Variants in KNTC1 observed in about 807,000 individuals in gnomAD.
KNTC1 encodes kinetochore-associated protein 1.
KNTC1 carries 253 observed loss-of-function variants against 314.4 expected under a neutral mutation model. The ratio of observed to expected loss-of-function variants is 0.80; its 90% CI spans 0.73 to 0.89. The LOEUF (loss-of-function observed/expected upper bound fraction) is 0.89. Ranked by LOEUF, KNTC1 falls within the 40% of genes least tolerant of loss-of-function variation. The pLI is 0.00. For synonymous variants in KNTC1, 901 were observed against 901.4 expected, an observed-to-expected ratio of 1.00 and a Z score of 0.01; for missense variants, 2,475 against 2,572.9, an observed-to-expected ratio of 0.96 and a Z score of 0.82.
intron 24 of KNTC1, 53 bp from the exon 25 acceptor site, chr12:122,572,884 T>C: frequency 1.5e-6 from 2 of 1,313,352 alleles, no homozygotes; most frequent in Non-Finnish European, 2.1e-6. Flanking sequence ...GATTCTATTT[T>C]TCTCTCATAC....
intron 6 of KNTC1, among the ~76,000 whole-genome samples, chr12:122,542,474 G>A (rs940102839): frequency 6.0e-4 from 91 of 152,276 alleles, no homozygotes; most frequent in Admixed American, 2.0e-4. Context: ...AGTGTTAATA[G>A]TGCAGAACAG....
In KNTC1 at chr12:122,568,122, A is replaced by T. The variant is rs565231952; in HGVS notation, c.1605-139A>T. 8 of 586,472 alleles carry T rather than the reference A, an allele frequency of 1.4e-5. No homozygotes were observed. In the East Asian group the frequency reaches 2.4e-4, roughly 17 times the overall value. The allele number at this position is 586,472 out of a possible 1,614,324, so 36.3% of individuals were successfully genotyped here. On this transcript the variant is annotated intron_variant, in intron 20 of 63. Coordinates refer to ENST00000333479, the MANE Select transcript of KNTC1 (RefSeq NM_014708.6). The stretch of plus-strand genomic sequence containing the variant: ...GTACTTTGCATTGTGTGATCTTTGG[A>T]ACTGGGTTTTTTTTAGTTTTTTGTT...
In KNTC1 at chr12:122,620,516, G is replaced by T. The variant is rs769105761; in HGVS notation, c.6187G>T (p.Ala2063Ser). 2 of 1,613,164 alleles carry T rather than the reference G, an allele frequency of 1.2e-6. No individual in the cohort carries two copies. Among genetic ancestry groups the T allele is most frequent in the Admixed American group, 1.7e-5 (1 of 59,952 alleles). The change falls in exon 60 of 64, where the codon GCC becomes TCC. Residue 2063 changes from alanine to serine, a missense_variant. Ala to Ser is a moderately conservative substitution (Grantham distance 99, BLOSUM62 1). Coordinates refer to ENST00000333479, the MANE Select transcript of KNTC1 (RefSeq NM_014708.6). ...AGGTGATCTTGACCTGATCGGAGTCGCCAGGCAGTATATCCAGTTAGAACT... is the reference window on the plus strand; with the variant it reads ...AGGTGATCTTGACCTGATCGGAGTCTCCAGGCAGTATATCCAGTTAGAACT... ...VSGDLDLIGV[A>S]RQYIQLELPA...
chr12:122,592,968 G>C (rs1463054007), intron 42 of KNTC1: 2 of 150,664 alleles, frequency 1.3e-5, no homozygotes, highest in African/African-American at 2.5e-5. Flanking sequence ...GAGACCACGA[G>C]CCCACCGAGA....
chr12:122,584,462 T>G lies in KNTC1; in HGVS notation c.3436+12T>G. On this transcript the variant is annotated intron_variant, in intron 35 of 63. Transcript: ENST00000333479. ...CATTTGCAGTCCAGGTGACAATATT[T>G]ATAATATACGTAGTTTTATATTCTC... The G allele has an allele frequency of 6.3e-7, 1 of 1,585,214 alleles. No individual in the cohort carries two copies. Among genetic ancestry groups the G allele is most frequent in the Non-Finnish European group, 8.6e-7 (1 of 1,162,488 alleles).
At chr12:122,605,213 GTA>G (rs1872455979) in intron 50 of KNTC1, 91 bp from the exon 51 acceptor site, 2 of 988,464 alleles carry the variant, frequency 2.0e-6, no homozygotes, top group African/African-American at 1.8e-5. Context: ...ACTTATATGT[GTA>G]TGTATGTGCA....
chr12:122,551,766 A>T, intron 16 of KNTC1, 70 bp downstream of exon 16: 1 of 1,069,888 alleles, frequency 9.3e-7, no homozygotes. Context: ...GAGAGGACAG[A>T]CATGTAATAT....
At chr12:122,614,571 A>G (rs1450804367) in intron 55 of KNTC1, among the ~76,000 whole-genome samples, 1 of 152,166 alleles carries the variant, frequency 6.6e-6, no homozygotes, top group Non-Finnish European at 1.5e-5. Flanking sequence ...TCTTCGATAG[A>G]CATTCACAGA....
intron 62 of KNTC1, 72 bp downstream of exon 62, chr12:122,622,679 T>C: frequency 7.9e-7 from 1 of 1,265,778 alleles, no homozygotes; most frequent in South Asian, 1.6e-5. Context: ...CTGGGCACGA[T>C]GGCTCACGAC....
chr12:122,610,762 GTTGT>G, intron 52 of KNTC1, 56 bp from the exon 53 acceptor site: 2 of 1,072,116 alleles, frequency 1.9e-6, no homozygotes, highest in Non-Finnish European at 2.9e-6. Context: ...AGATAAGTCT[GTTGT>G]TTTGGTAATC....
chr12:122,539,651 T>C (rs1234028236), intron 4 of KNTC1, 25 bp from the exon 5 acceptor site: 5 of 1,438,558 alleles, frequency 3.5e-6, no homozygotes, highest in Non-Finnish European at 4.7e-6. Context: ...TTTAATTTTA[T>C]TATTTGAAAT....
chr12:122,553,542 TA>T lies in KNTC1; in HGVS notation c.1272+1856del, dbSNP rs899350970. ...GAGCCTCTCATCTCTAAATTAAAAT[TA>T]AAAAAAAAATGGATGTGAGGGGTCT... On this transcript the variant is annotated intron_variant, in intron 16 of 63. Transcript: ENST00000333479. 4.0e-3 allele frequency among the ~76,000 whole-genome samples: 592 copies of T among 148,882 alleles called. 6 individuals carry two copies. The highest frequency in any genetic ancestry group is 0.014 in the African/African-American group (560 of 40,622).
At chr12:122,605,242 T>C in intron 50 of KNTC1, 64 bp from the exon 51 acceptor site, 1 of 1,152,120 alleles carries the variant, frequency 8.7e-7, no homozygotes, top group Non-Finnish European at 1.3e-6. Context: ...CACATACACA[T>C]ATAAGTATTC....
chr12:122,548,503 C>T (rs1832054925), intron 12 of KNTC1, among the ~76,000 whole-genome samples: 2 of 152,070 alleles, frequency 1.3e-5, no homozygotes, highest in African/African-American at 2.4e-5. Context: ...AGCCACTGCG[C>T]CCGGCCCAGG....
At chr12:122,601,415 A>T in intron 44 of KNTC1, 121 bp from the exon 45 acceptor site, 1 of 911,262 alleles carries the variant, frequency 1.1e-6, no homozygotes. Flanking sequence ...GGAGTAATTA[A>T]TTTAACAATG....
In KNTC1 at chr12:122,578,888, G is replaced by A. The variant is rs572140253; in HGVS notation, c.2842-1017G>A. 1.4e-4 allele frequency among the ~76,000 whole-genome samples: 22 copies of A among 152,244 alleles called. No homozygotes were observed. The South Asian group carries it at 4.4e-3, about 30-fold the overall frequency. On this transcript the variant is annotated intron_variant, in intron 31 of 63. Coordinates refer to ENST00000333479, the MANE Select transcript of KNTC1 (RefSeq NM_014708.6). The stretch of plus-strand genomic sequence containing the variant: ...TAGCTACTTCTTGTTCATAACAAAG[G>A]TGTAAAGTAGTTCCTATTGTTGTCT...
chr12:122,585,277 A>G (rs1215555757), intron 36 of KNTC1, among the ~76,000 whole-genome samples: 2 of 152,134 alleles, frequency 1.3e-5, no homozygotes, highest in East Asian at 3.8e-4. Flanking sequence ...CCTGGGCTCA[A>G]GTGATTCCCC....
At position 122,571,162 on chromosome 12, in the gene KNTC1, G is replaced by T. The variant is rs200045638; in HGVS notation, c.2019+36G>T. ...AGAATGGATTTTTAGTAATGAAACA[G>T]TCAGTTTACCTGAAAGGGTTTGTCT... On this transcript the variant is annotated intron_variant, in intron 24 of 63. Coordinates refer to ENST00000333479, the MANE Select transcript of KNTC1 (RefSeq NM_014708.6). 77 of 1,469,668 alleles carry T rather than the reference G, an allele frequency of 5.2e-5. No individual in the cohort carries two copies. In the African/African-American group the frequency reaches 9.4e-4, roughly 18 times the overall value. The allele number at this position is 1,469,668 out of a possible 1,614,324, so 91.0% of individuals were successfully genotyped here. A position where few individuals can be genotyped will look rare whatever the true frequency, so the allele number is the denominator to read the frequency against.
At chr12:122,538,316 T>G in intron 3 of KNTC1, 23 bp from the exon 4 acceptor site, 1 of 1,326,858 alleles carries the variant, frequency 7.5e-7, no homozygotes, top group East Asian at 2.4e-5. Context: ...AGGAAGCTTG[T>G]AACTTTGATT....
Sources: allele counts gnomAD v4.1 joint callset (sites outside exome capture counted in the v4.1 genomes callset), GRCh38; gene constraint gnomAD v4.1.1; transcripts MANE v1.5; gene names NCBI Gene and HGNC (gene_info 2026-07-23, HGNC 2026-07-21).